The following USP16 variants were observed in gnomAD, a reference collection of about 807,000 sequenced individuals.
USP16 encodes the protein ubiquitin carboxyl-terminal hydrolase 16.
Under a neutral mutation model 95.9 loss-of-function variants are expected in USP16, and 77 were observed. The observed-to-expected ratio is 0.80, with a 90% CI of 0.67 to 0.97. The LOEUF (loss-of-function observed/expected upper bound fraction) is 0.97. Among genes scored for constraint, USP16 ranks in the 50% least tolerant of loss-of-function variants. The pLI is 0.00. For missense variants in USP16, 943 were observed against 959.9 expected, an observed-to-expected ratio of 0.98 and a Z score of 0.23; for synonymous variants, 303 against 318.2, an observed-to-expected ratio of 0.95 and a Z score of 0.51.
intron 3 of USP16, among the ~76,000 whole-genome samples, chr21:29,032,925 C>T (rs1183021808): frequency 1.3e-5 from 2 of 152,098 alleles, no homozygotes; most frequent in African/African-American, 4.8e-5. Flanking sequence ...ACTTTTTCTT[C>T]ATTTTTGCCA....
Position 29,047,082 on chromosome 21 carries a change from A to G in USP16, c.1772A>G (p.Asn591Ser), listed in dbSNP as rs182334213. 3 of 1,614,116 alleles carry G rather than the reference A, an allele frequency of 1.9e-6. No homozygotes were observed. The highest frequency in any genetic ancestry group is 4.5e-5 in the East Asian group (2 of 44,876). Reference sequence around the variant, plus strand: ...GCTGCTCTTCATCCTGATGAAATAAATATAGAGATTCTGAATGATAGTCAT... The same window carrying G: ...GCTGCTCTTCATCCTGATGAAATAAGTATAGAGATTCTGAATGATAGTCAT... ...LNAALHPDEINIEILNDSHTP... is the reference protein window; with the variant it reads ...LNAALHPDEISIEILNDSHTP... The change falls in exon 14 of 18, where the codon AAT (asparagine) becomes AGT (serine). Residue 591 changes from asparagine to serine, a missense_variant. By Grantham distance (46) the Asn-to-Ser change is conservative. Transcript: ENST00000399976.
At chr21:29,045,518 C>T (rs985808442) in intron 13 of USP16, among the ~76,000 whole-genome samples, 16 of 152,266 alleles carry the variant, frequency 1.1e-4, no homozygotes, top group Admixed American at 6.5e-4. Flanking sequence ...ATTCCTCTGA[C>T]CAAAGCAGTC....
At chr21:29,040,425 G>C (rs2085225978) in intron 9 of USP16, among the ~76,000 whole-genome samples, 184 bp from the exon 10 acceptor site, 1 of 152,148 alleles carries the variant, frequency 6.6e-6, no homozygotes, top group Non-Finnish European at 1.5e-5. Flanking sequence ...TCAATGGTTA[G>C]TGATTGCTTT....
Position 29,028,167 on chromosome 21 carries a change from G to T in USP16, c.61+193G>T, listed in dbSNP as rs185636147. ...GAAAGAATCTCGCTCTGTTGCCCAG[G>T]CTGGAGTGCAGTGGTGCAATCTCAG... On this transcript the variant is annotated intron_variant, in intron 2 of 17. Transcript: ENST00000399976. 2.6e-4 allele frequency among the ~76,000 whole-genome samples: 39 copies of T among 150,498 alleles called. 1 individual carries two copies. The East Asian group carries it at 7.6e-3, about 29-fold the overall frequency.
At chr21:29,046,597 A>G (rs766788634) in intron 13 of USP16, 70 bp from the exon 14 acceptor site, 391 of 1,460,276 alleles carry the variant, frequency 2.7e-4, no homozygotes, top group Non-Finnish European at 2.6e-4. Context: ...TTCTTCCTCT[A>G]TCTCTCTTCC....
At chr21:29,044,251 T>C (rs2085288736) in intron 13 of USP16, among the ~76,000 whole-genome samples, 3 of 151,976 alleles carry the variant, frequency 2.0e-5, no homozygotes. Flanking sequence ...ACTTTCCTTT[T>C]ATGACAAAGA....
intron 13 of USP16, among the ~76,000 whole-genome samples, chr21:29,045,811 T>A (rs2085313404): frequency 2.6e-5 from 4 of 152,138 alleles, no homozygotes; most frequent in South Asian, 2.1e-4. Context: ...AATAACTTTT[T>A]CTTTCTTTTT....
intron 13 of USP16, among the ~76,000 whole-genome samples, chr21:29,045,705 CTTCCCTTAGCACAGAG>C (rs2085311896): frequency 6.6e-6 from 1 of 152,284 alleles, no homozygotes; most frequent in Non-Finnish European, 1.5e-5. Flanking sequence ...GCCTGGATTA[CTTCCCTTAGCACAGAG>C]ACCATGTCTT....
At chr21:29,030,893 C>T in intron 3 of USP16, 120 bp downstream of exon 3, 1 of 1,170,498 alleles carries the variant, frequency 8.5e-7, no homozygotes, top group Non-Finnish European at 1.2e-6. Context: ...ATCATGTTCT[C>T]TGGAGAACCA....
rs894124593 is a variant in USP16 at position 29,047,179 on chromosome 21, G to A, written c.1869G>A (p.Arg623=). The change falls in exon 14 of 18, where the codon AGG becomes AGA. Residue 623 remains arginine (R), a synonymous_variant. Transcript: ENST00000399976. The part of the protein sequence containing the change: ...PETAFCTLAN[R]EVFNTDECSI... ...CTGCTTTCTGTACTCTTGCAAACAG[G>A]GAAGTTTTCAATACTGATGAGTGTT... 5 of 1,614,012 alleles carry A rather than the reference G, an allele frequency of 3.1e-6. No individual in the cohort carries two copies. The Admixed American group carries it at 6.7e-5, about 22-fold the overall frequency.
chr21:29,048,048 CGTGTGTGTGTGTGTGTGTGTGT>C (rs67919060), intron 14 of USP16, among the ~76,000 whole-genome samples: 4 of 123,720 alleles, frequency 3.2e-5, no homozygotes, highest in South Asian at 2.9e-4. Context: ...AGAGACGATA[CGTGTGTGTGTGTGTGTGTGTGT>C]GTGTGTGTGT....
chr21:29,028,087 A>G (rs2085020905), intron 2 of USP16, 113 bp downstream of exon 2: 1 of 809,524 alleles, frequency 1.2e-6, no homozygotes, highest in Non-Finnish European at 1.9e-6. Flanking sequence ...ATTTTAATAT[A>G]ATGTTTGTAT....
chr21:29,050,437 C>A (rs926301268), intron 16 of USP16, among the ~76,000 whole-genome samples: 12 of 152,100 alleles, frequency 7.9e-5, no homozygotes, highest in African/African-American at 2.9e-4. Context: ...TAAAGGTGAG[C>A]AGATCTATTA....
In USP16 at chr21:29,043,433, A is replaced by C; in HGVS notation, c.1190A>C (p.Lys397Thr). 3 of 1,526,460 alleles carry C rather than the reference A, an allele frequency of 2.0e-6. No individual in the cohort carries two copies. The highest frequency in any genetic ancestry group is 1.7e-6 in the Non-Finnish European group (2 of 1,144,106). 94.6% of individuals were successfully genotyped at this position (1,526,460 alleles called of 1,614,324 possible). A position where few individuals can be genotyped will look rare whatever the true frequency, so the allele number is the denominator to read the frequency against. ...LPVLDDQSGK[K>T]SVNDKNLKKT... is the part of the protein sequence containing the mutation. ...TATCTATATTTTAAGAGTGGTAAGA[A>C]AAGTGTAAATGATAAAAATCTGAAA... Residue 397 changes from lysine (K) to threonine (T), a missense_variant, in exon 13 of 18, where the codon AAA becomes ACA. Coordinates refer to ENST00000399976, the MANE Select transcript of USP16 (RefSeq NM_006447.3).
In USP16 at chr21:29,048,821, C is replaced by G. The variant is rs1315343818; in HGVS notation, c.2072C>G (p.Pro691Arg). ...KKQMLISLAP[P>R]VLTLHLKRFQ... is the part of the protein sequence containing the mutation. ...CAGATGCTAATTTCTCTTGCTCCTC[C>G]TGTTCTTACTCTTCATTTAAAGAGA... Residue 691 changes from proline (P) to arginine (R), a missense_variant, in exon 15 of 18, where the codon CCT becomes CGT. Physicochemically the swap from Pro to Arg is moderately radical, Grantham distance 103. Transcript: ENST00000399976. The G allele has an allele frequency of 1.2e-6, 2 of 1,613,850 alleles. No individual in the cohort carries two copies. Among genetic ancestry groups the G allele is most frequent in the East Asian group, 4.5e-5 (2 of 44,818 alleles).
rs372361644 is a variant in USP16 at position 29,043,613 on chromosome 21, A to G, written c.1356+14A>G. ...AAGCAAGCCAAGGTGGGTAATTAGG[A>G]GGAAAATCATATGCTTGTAATTTTA... On this transcript the variant is annotated intron_variant, in intron 13 of 17. Coordinates refer to ENST00000399976, the MANE Select transcript of USP16 (RefSeq NM_006447.3). The G allele has an allele frequency of 1.4e-5, 21 of 1,523,380 alleles. No homozygotes were observed. The African/African-American group carries it at 2.8e-4, about 21-fold the overall frequency. The allele number at this position is 1,523,380 out of a possible 1,614,324, so 94.4% of individuals were successfully genotyped here. A position where few individuals can be genotyped will look rare whatever the true frequency, so the allele number is the denominator to read the frequency against.
intron 12 of USP16, chr21:29,043,188 C>A: frequency 3.4e-6 from 1 of 290,688 alleles, no homozygotes; most frequent in Non-Finnish European, 6.3e-6. Flanking sequence ...TTCTATTACA[C>A]TTACATGTGA....
At chr21:29,037,042 G>T (rs1227946031) in intron 5 of USP16, among the ~76,000 whole-genome samples, 1 of 152,120 alleles carries the variant, frequency 6.6e-6, no homozygotes, top group Admixed American at 6.5e-5. Flanking sequence ...ATACTGTTTG[G>T]TTTCATTTAT....
chr21:29,042,668 T>C, intron 12 of USP16, 140 bp downstream of exon 12: 1 of 655,612 alleles, frequency 1.5e-6, no homozygotes, highest in Non-Finnish European at 2.5e-6. Context: ...AGAATGCATT[T>C]TAGGATTTGA....
Sources: gnomAD v4.1 joint callset for allele counts (sites outside exome capture counted in the v4.1 genomes callset) on GRCh38, gnomAD v4.1.1 for gene constraint, MANE v1.5 for transcripts, NCBI Gene and HGNC (gene_info 2026-07-23, HGNC 2026-07-21) for gene names.